The following ZFAND6 variants were observed in gnomAD, a reference collection of about 807,000 sequenced individuals.
ZFAND6 encodes the protein AN1-type zinc finger protein 6.
Under a neutral mutation model 24.5 loss-of-function variants are expected in ZFAND6, and 12 were observed. The observed-to-expected ratio is 0.49, with a 90% CI of 0.31 to 0.79. The LOEUF (loss-of-function observed/expected upper bound fraction) is 0.79, where lower values mean the gene tolerates loss of function less well. Ranked by LOEUF, ZFAND6 falls within the 30% of genes least tolerant of loss-of-function variation. ZFAND6 has a pLI of 0.04. For synonymous variants in ZFAND6, 92 were observed against 81.5 expected (o/e 1.13, Z -0.69); for missense variants, 207 against 245.9 (o/e 0.84, Z 1.06).
intron 1 of ZFAND6, among the ~76,000 whole-genome samples, chr15:80,068,898 A>G (rs143866985): frequency 3.5e-4 from 54 of 152,368 alleles, no homozygotes; most frequent in African/African-American, 1.3e-3. Flanking sequence ...TTACTGTGGT[A>G]TCTTCAGCGC....
chr15:80,082,136 G>A lies in ZFAND6; in HGVS notation c.-180-16280G>A, dbSNP rs186229085. On this transcript the variant is annotated intron_variant, in intron 1 of 6. Coordinates refer to ENST00000261749, the MANE Select transcript of ZFAND6 (RefSeq NM_019006.4). ...TTCCAGTAAGCCCAGGTGGGGAAGAGGTATGGAGTATACATAGGATATGGG... is the reference window on the plus strand; with the variant it reads ...TTCCAGTAAGCCCAGGTGGGGAAGAAGTATGGAGTATACATAGGATATGGG... Among the ~76,000 whole-genome samples, 21 of 152,306 alleles carry A rather than the reference G, an allele frequency of 1.4e-4. No homozygotes were observed. The East Asian group carries it at 2.9e-3, about 21-fold the overall frequency.
intron 2 of ZFAND6, among the ~76,000 whole-genome samples, chr15:80,117,387 T>C (rs1434701346): frequency 2.6e-5 from 4 of 152,126 alleles, no homozygotes; most frequent in African/African-American, 9.7e-5. Flanking sequence ...TATGCCTGGC[T>C]GATTTTTTGT....
chr15:80,062,665 T>G (rs953720424), intron 1 of ZFAND6, among the ~76,000 whole-genome samples: 1 of 152,202 alleles, frequency 6.6e-6, no homozygotes, highest in African/African-American at 2.4e-5. Flanking sequence ...TGCTTTGTTT[T>G]GGTAGGGCTG....
chr15:80,112,478 A>G (rs1418239610), intron 2 of ZFAND6, among the ~76,000 whole-genome samples: 7 of 150,118 alleles, frequency 4.7e-5, no homozygotes, highest in Non-Finnish European at 8.9e-5. Context: ...GCTCACTGCA[A>G]CCTCCGCCTC....
intron 1 of ZFAND6, among the ~76,000 whole-genome samples, chr15:80,097,602 T>C (rs2038800794): frequency 6.6e-6 from 1 of 152,044 alleles, no homozygotes; most frequent in Non-Finnish European, 1.5e-5. Flanking sequence ...TGAGCCAAGA[T>C]CGCACCATTG....
chr15:80,069,893 C>A (rs1468915656), intron 1 of ZFAND6, among the ~76,000 whole-genome samples: 2 of 152,164 alleles, frequency 1.3e-5, no homozygotes, highest in Non-Finnish European at 2.9e-5. Context: ...CAGGCGTGAG[C>A]CACCACACCT....
At chr15:80,066,729 T>C (rs1021494436) in intron 1 of ZFAND6, among the ~76,000 whole-genome samples, 2 of 151,786 alleles carry the variant, frequency 1.3e-5, no homozygotes, top group Non-Finnish European at 2.9e-5. Context: ...AAACCTCATC[T>C]CTGTTGAAAA....
intron 5 of ZFAND6, chr15:80,129,665 CG>C (rs1405005501): frequency 6.6e-6 from 1 of 152,116 alleles, no homozygotes; most frequent in Non-Finnish European, 1.5e-5. Flanking sequence ...TAAATAGGAC[CG>C]ATGTCTCCCC....
chr15:80,071,444 A>G (rs2036972472), intron 1 of ZFAND6, among the ~76,000 whole-genome samples: 1 of 152,220 alleles, frequency 6.6e-6, no homozygotes, highest in Admixed American at 6.5e-5. Flanking sequence ...ATGCCATTTA[A>G]TCAGTCAGAT....
At chr15:80,064,920 C>T (rs1231051152) in intron 1 of ZFAND6, among the ~76,000 whole-genome samples, 1 of 151,864 alleles carries the variant, frequency 6.6e-6, no homozygotes, top group Non-Finnish European at 1.5e-5. Context: ...GTATGAGCCA[C>T]TGGGCCTGGC....
rs771069921 is a variant in ZFAND6 at position 80,122,702 on chromosome 15, C to T, written c.266C>T (p.Pro89Leu). 4.3e-6 allele frequency: 7 copies of T among 1,612,302 alleles called. No homozygotes were observed. The East Asian group carries it at 1.3e-4, about 31-fold the overall frequency. ...AATGAAATATTTTGCTTTTCTAGCC[C>T]TGTATCAAATCAGTCACTTTTATCA... ...DSTSSSMQPS[P>L]VSNQSLLSES... The change falls in exon 5 of 7, where the codon CCT (proline) becomes CTT (leucine). Residue 89 changes from proline to leucine, a missense_variant and splice_region_variant. Pro to Leu is a moderately conservative substitution (Grantham distance 98). Transcript: ENST00000261749.
intron 1 of ZFAND6, among the ~76,000 whole-genome samples, chr15:80,087,652 G>A (rs1412608704): frequency 6.6e-6 from 1 of 152,102 alleles, no homozygotes; most frequent in Non-Finnish European, 1.5e-5. Flanking sequence ...CTGCTTCTAA[G>A]TGCTATCAGA....
intron 2 of ZFAND6, among the ~76,000 whole-genome samples, chr15:80,113,752 G>A (rs1054950701): frequency 6.3e-5 from 8 of 127,136 alleles, no homozygotes; most frequent in African/African-American, 2.4e-4. Context: ...AGGGTTTGAA[G>A]AAGAAACTTA....
At chr15:80,083,054 C>T (rs1027564921) in intron 1 of ZFAND6, among the ~76,000 whole-genome samples, 2 of 152,056 alleles carry the variant, frequency 1.3e-5, no homozygotes, top group Non-Finnish European at 2.9e-5. Context: ...TGCAGTGGCG[C>T]GATCTTGGCT....
In ZFAND6 at chr15:80,137,513, G is replaced by T; in HGVS notation, c.512G>T (p.Gly171Val). 6.2e-7 allele frequency: 1 copy of T among 1,606,136 alleles called. No homozygotes were observed. The highest frequency in any genetic ancestry group is 1.3e-5 in the African/African-American group (1 of 74,470). The change falls in exon 7 of 7, where the codon GGT (glycine) becomes GTT (valine). Residue 171 changes from glycine to valine, a missense_variant. Gly to Val is a moderately radical substitution (Grantham distance 109). Coordinates refer to ENST00000261749, the MANE Select transcript of ZFAND6 (RefSeq NM_019006.4). ...TGCCGGTGTGGAAATGTTTACTGTG[G>T]TGTACACCGTTACTCAGATGTACAC... Reference protein sequence around the residue: ...FECRCGNVYCGVHRYSDVHNC... With the variant: ...FECRCGNVYCVVHRYSDVHNC...
chr15:80,091,742 C>T (rs905682681), intron 1 of ZFAND6, among the ~76,000 whole-genome samples: 2 of 152,142 alleles, frequency 1.3e-5, no homozygotes, highest in Admixed American at 6.5e-5. Context: ...AGGACTGAAG[C>T]AGTCCTCTTG....
rs532482908 is a variant in ZFAND6, at chr15:80,116,039, C to T, written c.-17-4289C>T. ...TATAGCATAGTTGGTGGTTTAGACC[C>T]GAGTTCCTCAGTCTTTTTTCTCTAT... On this transcript the variant is annotated intron_variant, in intron 2 of 6. Transcript: ENST00000261749. 1.3e-4 allele frequency among the ~76,000 whole-genome samples: 19 copies of T among 151,314 alleles called. No homozygotes were observed. In the East Asian group the frequency reaches 2.7e-3, roughly 22 times the overall value.
At chr15:80,128,858 T>C (rs4778754) in intron 5 of ZFAND6, among the ~76,000 whole-genome samples, 117,977 of 152,190 alleles carry the variant, frequency 0.78, 45,950 homozygotes, top group Admixed American at 0.85. Context: ...TATGCAGTAG[T>C]ATTTGTATGC....
chr15:80,089,666 A>G lies in ZFAND6; in HGVS notation c.-180-8750A>G, dbSNP rs147033968. ...TAGGCTGATTGATGATCACTTGTATAGACTCCATTGCCTGTGGAAATGGAA... is the reference window on the plus strand; with the variant it reads ...TAGGCTGATTGATGATCACTTGTATGGACTCCATTGCCTGTGGAAATGGAA... On this transcript the variant is annotated intron_variant, in intron 1 of 6. Transcript: ENST00000261749. Among the ~76,000 whole-genome samples, 6 of 152,290 alleles carry G rather than the reference A, an allele frequency of 3.9e-5. No individual in the cohort carries two copies. In the East Asian group the frequency reaches 9.6e-4, roughly 24 times the overall value.
Sources: gnomAD v4.1 joint callset for allele counts (sites outside exome capture counted in the v4.1 genomes callset) on GRCh38, gnomAD v4.1.1 for gene constraint, MANE v1.5 for transcripts, NCBI Gene and HGNC (gene_info 2026-07-23, HGNC 2026-07-21) for gene names.